Variants in IL1RAP observed in about 807,000 individuals in gnomAD.
IL1RAP encodes the protein interleukin 1 receptor accessory protein.
In IL1RAP, 35 loss-of-function variants were observed where a neutral mutation model predicts 60.7. That is an observed-to-expected ratio of 0.58 (90% confidence interval 0.44 to 0.76). IL1RAP has a LOEUF of 0.76. Among genes scored for constraint, IL1RAP ranks in the 30% least tolerant of loss-of-function variants. The pLI, the probability that IL1RAP is intolerant of heterozygous loss-of-function variation, is 0.00. For missense variants in IL1RAP, 572 were observed against 693.9 expected (o/e 0.82, Z 1.97); for synonymous variants, 268 against 250.9 (o/e 1.07, Z -0.64).
At chr3:190,636,344 T>C (rs1733222918) in intron 9 of IL1RAP, among the ~76,000 whole-genome samples, 1 of 152,114 alleles carries the variant, frequency 6.6e-6, no homozygotes, top group Admixed American at 6.5e-5. Context: ...TTTTTCCAAT[T>C]CTCTCTTCAG....
In IL1RAP at chr3:190,573,106, G is replaced by T. The variant is rs1194621505; in HGVS notation, c.64+8753G>T. The stretch of plus-strand genomic sequence containing the variant: ...TCTCGATCTCCTGACCTCGTGATCC[G>T]CCCGCCTCGGCCTCCCAAAGTTCTG... On this transcript the variant is annotated intron_variant, in intron 3 of 11. Transcript: ENST00000447382. Among the ~76,000 whole-genome samples the T allele has an allele frequency of 5.8e-5, 3 of 52,098 alleles. 1 individual carries two copies. The highest frequency in any genetic ancestry group is 9.3e-5 in the Non-Finnish European group (2 of 21,540). 34.2% of individuals were successfully genotyped at this position (52,098 alleles called of 152,430 possible).
chr3:190,650,601 T>C lies in IL1RAP; in HGVS notation c.*1896T>C, dbSNP rs966117990. ...TGTAAAATTATATCCTATATTTAAG[T>C]ACCCATAATAAATCATTTCCCTCTA... On this transcript the variant is annotated 3_prime_UTR_variant, in exon 12 of 12. Transcript: ENST00000447382. 1.2e-6 allele frequency: 1 copy of C among 857,910 alleles called. No individual in the cohort carries two copies. Among genetic ancestry groups the C allele is most frequent in the Non-Finnish European group, 1.4e-6 (1 of 713,966 alleles). 53.1% of individuals were successfully genotyped at this position (857,910 alleles called of 1,614,324 possible).
chr3:190,644,458 AAAAAAAG>A lies in IL1RAP; in HGVS notation c.1201+73_1201+79del, dbSNP rs2108855732. 3 of 1,277,632 alleles carry A rather than the reference AAAAAAAG, an allele frequency of 2.3e-6. No individual in the cohort carries two copies. In the South Asian group the frequency reaches 4.0e-5, roughly 17 times the overall value. The allele number at this position is 1,277,632 out of a possible 1,614,324, so 79.1% of individuals were successfully genotyped here. On this transcript the variant is annotated intron_variant, in intron 10 of 11. Coordinates refer to ENST00000447382, the MANE Select transcript of IL1RAP (RefSeq NM_002182.4). ...TGTCATCTTTAGAACATATGTTGTA[AAAAAAAG>A]AAAAAAGAAAACATGTTGATTTGAA...
At chr3:190,630,321 C>T in intron 9 of IL1RAP, 1 of 418,468 alleles carries the variant, frequency 2.4e-6, no homozygotes, top group Non-Finnish European at 3.2e-6. Context: ...GTGTCTCTCA[C>T]CTAACACAGA....
intron 8 of IL1RAP, 128 bp from the exon 9 acceptor site, chr3:190,629,222 C>T (rs755777540): frequency 6.5e-6 from 4 of 615,732 alleles, no homozygotes; most frequent in South Asian, 4.4e-5. Flanking sequence ...ATAGGTGGCT[C>T]AGCTTATCAA....
intron 9 of IL1RAP, among the ~76,000 whole-genome samples, chr3:190,636,752 C>T (rs1733256137): frequency 6.6e-6 from 1 of 151,828 alleles, no homozygotes; most frequent in Non-Finnish European, 1.5e-5. Flanking sequence ...GTATTGGATC[C>T]AATCTGATCA....
At chr3:190,595,125 A>G (rs1372868092) in intron 3 of IL1RAP, among the ~76,000 whole-genome samples, 5 of 151,930 alleles carry the variant, frequency 3.3e-5, no homozygotes, top group Non-Finnish European at 4.4e-5. Flanking sequence ...TAGCATGTCA[A>G]TTGCTTATTG....
intron 4 of IL1RAP, among the ~76,000 whole-genome samples, chr3:190,606,969 C>T (rs1730381863): frequency 6.6e-6 from 1 of 152,098 alleles, no homozygotes; most frequent in Admixed American, 6.6e-5. Context: ...AAAATATATC[C>T]TTAAACTTAA....
Position 190,552,913 on chromosome 3 carries a change from C to T in IL1RAP, c.-88-3217C>T, listed in dbSNP as rs192359476. Among the ~76,000 whole-genome samples, 832 of 152,258 alleles carry T rather than the reference C, an allele frequency of 5.5e-3. 3 individuals carry two copies. Among genetic ancestry groups the T allele is most frequent in the African/African-American group, 0.017 (703 of 41,520 alleles). ...GATATCCACTTTTAATTAAGCTGAGCGGTCCTTAAGAAAATCCTTTTAACT... is the reference window on the plus strand; with the variant it reads ...GATATCCACTTTTAATTAAGCTGAGTGGTCCTTAAGAAAATCCTTTTAACT... On this transcript the variant is annotated intron_variant, in intron 1 of 11. Transcript: ENST00000447382.
At chr3:190,619,978 T>C (rs1731632176) in intron 5 of IL1RAP, among the ~76,000 whole-genome samples, 1 of 152,148 alleles carries the variant, frequency 6.6e-6, no homozygotes, top group African/African-American at 2.4e-5. Context: ...AACTGTAACT[T>C]TGCTTTACTA....
chr3:190,560,707 G>A (rs1725810987), intron 2 of IL1RAP, among the ~76,000 whole-genome samples: 1 of 152,178 alleles, frequency 6.6e-6, no homozygotes, highest in Admixed American at 6.5e-5. Flanking sequence ...CGGGCTAGGT[G>A]AGAGAATTCA....
At chr3:190,561,468 G>A (rs1725884723) in intron 2 of IL1RAP, among the ~76,000 whole-genome samples, 1 of 152,154 alleles carries the variant, frequency 6.6e-6, no homozygotes, top group Admixed American at 6.6e-5. Flanking sequence ...TTGGTGACCT[G>A]ACTCTTTGCT....
At chr3:190,531,989 T>C (rs1478042764) in intron 1 of IL1RAP, among the ~76,000 whole-genome samples, 1 of 146,958 alleles carries the variant, frequency 6.8e-6, no homozygotes. Context: ...CCTCTGGCTT[T>C]GCAGAAAGGC....
At chr3:190,614,867 T>C (rs1312242019) in intron 5 of IL1RAP, among the ~76,000 whole-genome samples, 2 of 152,090 alleles carry the variant, frequency 1.3e-5, no homozygotes, top group African/African-American at 4.8e-5. Context: ...AGGGTGATCT[T>C]TGAACACATA....
At chr3:190,576,211 T>C (rs1727432718) in intron 3 of IL1RAP, among the ~76,000 whole-genome samples, 1 of 152,210 alleles carries the variant, frequency 6.6e-6, no homozygotes, top group South Asian at 2.1e-4. Context: ...CATTTGTAGA[T>C]ATGTCATCAA....
At position 190,650,756 on chromosome 3, in the gene IL1RAP, T is replaced by A; in HGVS notation, c.*2051T>A. On this transcript the variant is annotated 3_prime_UTR_variant, in exon 12 of 12. Coordinates refer to ENST00000447382, the MANE Select transcript of IL1RAP (RefSeq NM_002182.4). Reference sequence around the variant, plus strand: ...TTTCCCTATTAGAAACCACAATTACTCCCTCTATTAACCCTTCACTTACTA... The same window carrying A: ...TTTCCCTATTAGAAACCACAATTACACCCTCTATTAACCCTTCACTTACTA... 1 of 983,138 alleles carries A rather than the reference T, an allele frequency of 1.0e-6. No individual in the cohort carries two copies. The highest frequency in any genetic ancestry group is 1.2e-6 in the Non-Finnish European group (1 of 827,870). 60.9% of individuals were successfully genotyped at this position (983,138 alleles called of 1,614,324 possible). A position where few individuals can be genotyped will look rare whatever the true frequency, so the allele number is the denominator to read the frequency against.
chr3:190,650,256 T>C lies in IL1RAP; in HGVS notation c.*1551T>C. ...CTCACAGAGTGATAGTTGTCATAGTTCTTGCCTTCCCTAAGTTTATATAAA... is the reference window on the plus strand; with the variant it reads ...CTCACAGAGTGATAGTTGTCATAGTCCTTGCCTTCCCTAAGTTTATATAAA... On this transcript the variant is annotated 3_prime_UTR_variant, in exon 12 of 12. Transcript: ENST00000447382. The C allele has an allele frequency of 1.1e-5, 11 of 985,322 alleles. No individual in the cohort carries two copies. Among genetic ancestry groups the C allele is most frequent in the Non-Finnish European group, 1.3e-5 (11 of 829,818 alleles). The allele number at this position is 985,322 out of a possible 1,614,324, so 61.0% of individuals were successfully genotyped here.
intron 1 of IL1RAP, among the ~76,000 whole-genome samples, chr3:190,527,684 A>ATTTTTTTTTTTT (rs58914187): frequency 1.8e-5 from 2 of 112,938 alleles, no homozygotes; most frequent in Admixed American, 8.9e-5. Context: ...GCTTGTTTAC[A>ATTTTTTTTTTTT]TTTTTTTTTT....
At chr3:190,655,069 T>A (rs1274135816), downstream of IL1RAP, among the ~76,000 whole-genome samples, 1 of 152,124 alleles carries the variant, frequency 6.6e-6, no homozygotes, top group South Asian at 2.1e-4. Flanking sequence ...AAAAAAGAAT[T>A]TAATTGATAA....
Sources: allele counts gnomAD v4.1 joint callset (sites outside exome capture counted in the v4.1 genomes callset), GRCh38; gene constraint gnomAD v4.1.1; transcripts MANE v1.5; gene names NCBI Gene and HGNC (gene_info 2026-07-23, HGNC 2026-07-21).